The following BRCA1 variants were observed in gnomAD, a reference collection of about 807,000 sequenced individuals.
The protein encoded by BRCA1 is BRCA1 DNA repair associated, also known as breast cancer type 1 susceptibility protein.
A neutral mutation model predicts 173.7 loss-of-function variants in BRCA1; 140 were observed. The ratio of observed to expected loss-of-function variants is 0.81; its 90% confidence interval spans 0.70 to 0.93. BRCA1 has a LOEUF of 0.93. Ranked by LOEUF, BRCA1 falls within the 40% of genes least tolerant of loss-of-function variation. BRCA1 has a pLI of 0.00. For missense variants in BRCA1, 1,983 were observed against 2,172.5 expected (o/e 0.91, Z 1.73); for synonymous variants, 662 against 756.0 (o/e 0.88, Z 2.04).
chr17:43,127,723 G>C (rs959105441), upstream of BRCA1, among the ~76,000 whole-genome samples: 1 of 152,088 alleles, frequency 6.6e-6, no homozygotes, highest in Non-Finnish European at 1.5e-5. Context: ...TCAGATAAGG[G>C]AATAAAAGCA....
At chr17:43,096,473 G>A (rs560796663) in intron 8 of BRCA1, among the ~76,000 whole-genome samples, 1 of 150,646 alleles carries the variant, frequency 6.6e-6, no homozygotes, top group Admixed American at 6.6e-5. Flanking sequence ...TCGTGAGATT[G>A]AGACAGGAGA....
rs200081820 is a variant in BRCA1, at chr17:43,098,204, AT to A, written c.548-916del. ...CACACCCAGCTAATTTAAAAAAGAA[AT>A]TTTTTTGTAGAGATGAGGTCTTGCT... On this transcript the variant is annotated intron_variant, in intron 7 of 22. Coordinates refer to ENST00000357654, the MANE Select transcript of BRCA1 (RefSeq NM_007294.4). Among the ~76,000 whole-genome samples, 1,540 of 151,496 alleles carry A rather than the reference AT, an allele frequency of 0.01. 17 individuals carry two copies. Among genetic ancestry groups the A allele is most frequent in the Non-Finnish European group, 0.013 (875 of 67,832 alleles).
intron 2 of BRCA1, among the ~76,000 whole-genome samples, chr17:43,120,764 C>T (rs988975557): frequency 4.0e-5 from 6 of 151,354 alleles, no homozygotes; most frequent in African/African-American, 1.5e-4. Context: ...GACTCCGTCT[C>T]AAAAACAAAA....
chr17:43,057,793 G>A (rs1421719145), intron 18 of BRCA1, among the ~76,000 whole-genome samples: 5 of 151,680 alleles, frequency 3.3e-5, no homozygotes, highest in African/African-American at 4.8e-5. Flanking sequence ...CGGAGATCAC[G>A]CCACTGCACT....
chr17:43,068,152 C>T (rs954643700), intron 15 of BRCA1, among the ~76,000 whole-genome samples: 3 of 151,546 alleles, frequency 2.0e-5, no homozygotes, highest in Non-Finnish European at 4.4e-5. Context: ...TGGCGGGCAC[C>T]TGTAGTCTCA....
At chr17:43,078,010 C>T (rs2052820898) in intron 12 of BRCA1, among the ~76,000 whole-genome samples, 2 of 151,868 alleles carry the variant, frequency 1.3e-5, no homozygotes, top group African/African-American at 4.8e-5. Flanking sequence ...GATGGGATTA[C>T]AGGCGTGAGC....
In BRCA1 at chr17:43,045,495, G is replaced by A. The variant is rs2050842238; in HGVS notation, c.*183C>T. On this transcript the variant is annotated 3_prime_UTR_variant, in exon 23 of 23. Coordinates refer to ENST00000357654, the MANE Select transcript of BRCA1 (RefSeq NM_007294.4). Reference sequence around the variant, plus strand: ...GGCAGATTTCCAAGGGAGACTTCAAGCAGAAAATCTTTAAGGGACCCTTGC... The same window carrying A: ...GGCAGATTTCCAAGGGAGACTTCAAACAGAAAATCTTTAAGGGACCCTTGC... 1.0e-6 allele frequency: 1 copy of A among 953,750 alleles called. No homozygotes were observed. The highest frequency in any genetic ancestry group is 2.0e-5 in the Admixed American group (1 of 50,200). 59.1% of individuals were successfully genotyped at this position (953,750 alleles called of 1,614,324 possible).
intron 1 of BRCA1, among the ~76,000 whole-genome samples, chr17:43,157,391 T>TA (rs1434869928): frequency 6.6e-6 from 1 of 152,188 alleles, no homozygotes; most frequent in African/African-American, 2.4e-5. Flanking sequence ...CATATGAGTC[T>TA]AAAAAACCAT....
chr17:43,126,408 C>CG (rs1567825371), upstream of BRCA1, among the ~76,000 whole-genome samples: 1 of 152,126 alleles, frequency 6.6e-6, no homozygotes, highest in Admixed American at 6.5e-5. Context: ...GAGCTGGCAG[C>CG]GGACGGTCTT....
chr17:43,097,364 G>A, intron 7 of BRCA1, 75 bp from the exon 8 acceptor site: 1 of 1,196,026 alleles, frequency 8.4e-7, no homozygotes, highest in Non-Finnish European at 1.2e-6. Flanking sequence ...TGTACTTGTT[G>A]AAAAACAGAT....
intron 1 of BRCA1, among the ~76,000 whole-genome samples, chr17:43,141,063 C>T (rs910694474): frequency 2.0e-5 from 3 of 152,140 alleles, no homozygotes; most frequent in South Asian, 2.1e-4. Flanking sequence ...TATGGTTTGC[C>T]GTCAGTGAGA....
Position 43,092,962 on chromosome 17 carries a change from A to G in BRCA1, c.2569T>C (p.Leu857=), listed in dbSNP as rs779895958. The G allele has an allele frequency of 6.2e-7, 1 of 1,613,700 alleles. No homozygotes were observed. Among genetic ancestry groups the G allele is most frequent in the African/African-American group, 1.3e-5 (1 of 75,056 alleles). Residue 857 remains leucine, a synonymous_variant, in exon 10 of 23, where the codon TTG becomes CTG. Transcript: ENST00000357654. ...TTTGAAACCTTGAATGTATTCTGCAAATACTGAGCATCAAGTTCACTTTCT... is the reference window on the plus strand; with the variant it reads ...TTTGAAACCTTGAATGTATTCTGCAGATACTGAGCATCAAGTTCACTTTCT... ...MEESELDAQY[L]QNTFKVSKRQ... is the part of the protein sequence containing the mutation.
At chr17:43,114,218 C>T (rs542050423) in intron 3 of BRCA1, among the ~76,000 whole-genome samples, 1 of 152,294 alleles carries the variant, frequency 6.6e-6, no homozygotes, top group Admixed American at 6.5e-5. Context: ...TGGGCAGGAG[C>T]TACCACACTG....
chr17:43,169,421 C>T (rs2056300899), intron 1 of BRCA1, among the ~76,000 whole-genome samples: 1 of 152,206 alleles, frequency 6.6e-6, no homozygotes, highest in South Asian at 2.1e-4. Flanking sequence ...TCCGCCTTGG[C>T]CTCCCAAAGT....
At chr17:43,109,898 C>G (rs573493155) in intron 3 of BRCA1, among the ~76,000 whole-genome samples, 65 of 141,716 alleles carry the variant, frequency 4.6e-4, no homozygotes, top group African/African-American at 1.5e-3. Context: ...GGATTCGAAT[C>G]TTTTTTTTTT....
At chr17:43,059,798 C>G (rs1190332260) in intron 18 of BRCA1, among the ~76,000 whole-genome samples, 1 of 152,174 alleles carries the variant, frequency 6.6e-6, no homozygotes, top group East Asian at 1.9e-4. Flanking sequence ...TCCTTACCAC[C>G]AAATACTATG....
intron 1 of BRCA1, among the ~76,000 whole-genome samples, chr17:43,133,604 C>T (rs2055989492): frequency 6.6e-6 from 1 of 151,588 alleles, no homozygotes; most frequent in Non-Finnish European, 1.5e-5. Context: ...AGCTCCTTTC[C>T]ATTCTGGCCT....
intron 16 of BRCA1, among the ~76,000 whole-genome samples, chr17:43,066,395 G>A (rs2052071397): frequency 6.6e-6 from 1 of 151,966 alleles, no homozygotes; most frequent in African/African-American, 2.4e-5. Context: ...GGGTCTCCAG[G>A]TTTTGCCTCA....
chr17:43,090,687 T>C (rs1232429595), intron 11 of BRCA1, among the ~76,000 whole-genome samples: 5 of 152,186 alleles, frequency 3.3e-5, no homozygotes, highest in Non-Finnish European at 7.3e-5. Flanking sequence ...TTCATTAAAA[T>C]CAGTATTTAG....
Sources: gnomAD v4.1 joint callset for allele counts (sites outside exome capture counted in the v4.1 genomes callset) on GRCh38, gnomAD v4.1.1 for gene constraint, MANE v1.5 for transcripts, NCBI Gene and HGNC (gene_info 2026-07-23, HGNC 2026-07-21) for gene names.